Variants in POU6F2 observed in about 807,000 individuals in gnomAD.
POU6F2 encodes the protein POU class 6 homeobox 2.
Under a neutral mutation model 71.3 loss-of-function variants are expected in POU6F2, and 31 were observed. That is an observed-to-expected ratio of 0.43 (90% CI 0.33 to 0.59). The LOEUF (loss-of-function observed/expected upper bound fraction) is 0.59, where lower values mean the gene tolerates loss of function less well. Among genes scored for constraint, POU6F2 ranks in the 20% least tolerant of loss-of-function variants. POU6F2 has a pLI of 0.04. For synonymous variants in POU6F2, 347 were observed against 355.7 expected, an observed-to-expected ratio of 0.98 and a Z score of 0.27; for missense variants, 783 against 856.8, an observed-to-expected ratio of 0.91 and a Z score of 1.07.
At chr7:39,313,200 C>A (rs982953300) in intron 4 of POU6F2, among the ~76,000 whole-genome samples, 1 of 152,132 alleles carries the variant, frequency 6.6e-6, no homozygotes, top group African/African-American at 2.4e-5. Flanking sequence ...ACTCTCCAGC[C>A]TCACTTCCCT....
intron 5 of POU6F2, among the ~76,000 whole-genome samples, chr7:39,385,413 A>C (rs1053848791): frequency 1.3e-5 from 2 of 152,230 alleles, no homozygotes; most frequent in Non-Finnish European, 2.9e-5. Context: ...CCTGAGTTGC[A>C]CACGGTCCTG....
At chr7:39,341,327 A>G (rs1355901995) in intron 5 of POU6F2, among the ~76,000 whole-genome samples, 1 of 152,142 alleles carries the variant, frequency 6.6e-6, no homozygotes, top group Non-Finnish European at 1.5e-5. Flanking sequence ...GGCTACTTTC[A>G]ATTTGAACAT....
chr7:39,176,574 C>T (rs1200301855), intron 2 of POU6F2, among the ~76,000 whole-genome samples: 2 of 152,148 alleles, frequency 1.3e-5, no homozygotes, highest in Non-Finnish European at 2.9e-5. Context: ...GAGCCTTTTC[C>T]TTTCCAAAAT....
At chr7:39,328,155 G>A (rs553204546) in intron 4 of POU6F2, among the ~76,000 whole-genome samples, 45 of 152,292 alleles carry the variant, frequency 3.0e-4, no homozygotes, top group African/African-American at 9.6e-4. Flanking sequence ...TCCTGACCTC[G>A]TGATCCACCT....
At chr7:39,210,686 C>T (rs970707811) in intron 4 of POU6F2, among the ~76,000 whole-genome samples, 2 of 152,124 alleles carry the variant, frequency 1.3e-5, no homozygotes, top group African/African-American at 2.4e-5. Flanking sequence ...CCCAGACCAG[C>T]GGCATCAATG....
intron 5 of POU6F2, among the ~76,000 whole-genome samples, chr7:39,388,811 C>T (rs1379064985): frequency 6.6e-6 from 1 of 152,140 alleles, no homozygotes; most frequent in Non-Finnish European, 1.5e-5. Context: ...TATTTGAAAC[C>T]ATTTCTACTT....
intron 4 of POU6F2, among the ~76,000 whole-genome samples, chr7:39,229,651 G>A (rs1306209424): frequency 1.3e-5 from 2 of 152,216 alleles, no homozygotes; most frequent in Admixed American, 6.5e-5. Flanking sequence ...GTGAGACACT[G>A]ATGTTAAAGT....
At chr7:39,296,236 C>T (rs968300079) in intron 4 of POU6F2, among the ~76,000 whole-genome samples, 1 of 152,130 alleles carries the variant, frequency 6.6e-6, no homozygotes, top group East Asian at 1.9e-4. Flanking sequence ...TCATTAATTA[C>T]AGAAACTCTA....
intron 1 of POU6F2, among the ~76,000 whole-genome samples, chr7:39,017,989 A>G (rs1046264964): frequency 5.3e-5 from 8 of 152,012 alleles, no homozygotes; most frequent in African/African-American, 1.7e-4. Context: ...GCCTTGCTGT[A>G]TTGGCTAACA....
At chr7:39,317,564 T>G (rs1417153549) in intron 4 of POU6F2, among the ~76,000 whole-genome samples, 1 of 152,236 alleles carries the variant, frequency 6.6e-6, no homozygotes, top group African/African-American at 2.4e-5. Flanking sequence ...TTCACTTACT[T>G]GTTTTATCTT....
At chr7:39,237,774 C>T (rs1387267480) in intron 4 of POU6F2, among the ~76,000 whole-genome samples, 1 of 151,818 alleles carries the variant, frequency 6.6e-6, no homozygotes, top group African/African-American at 2.4e-5. Context: ...GGAAGAGCCT[C>T]TCAAATGAAA....
chr7:39,392,715 C>G (rs1036923626), intron 5 of POU6F2, among the ~76,000 whole-genome samples: 1 of 152,190 alleles, frequency 6.6e-6, no homozygotes, highest in African/African-American at 2.4e-5. Context: ...CGGACAGGAA[C>G]ATGGAGGCTC....
chr7:39,457,037 C>T (rs1198940068), intron 8 of POU6F2, among the ~76,000 whole-genome samples: 1 of 152,218 alleles, frequency 6.6e-6, no homozygotes, highest in Non-Finnish European at 1.5e-5. Flanking sequence ...TCCACAGCTT[C>T]CTTTTCAACT....
chr7:39,114,492 A>G (rs1791888314), intron 2 of POU6F2, among the ~76,000 whole-genome samples: 1 of 152,218 alleles, frequency 6.6e-6, no homozygotes, highest in African/African-American at 2.4e-5. Context: ...CATATTTCTT[A>G]GAAGAAAATA....
intron 3 of POU6F2, among the ~76,000 whole-genome samples, chr7:39,205,618 T>C (rs1198738927): frequency 6.6e-6 from 1 of 152,214 alleles, no homozygotes; most frequent in African/African-American, 2.4e-5. Context: ...AGGGCCAGCA[T>C]ATAATTTTGT....
At chr7:39,015,647 A>C (rs1789470009) in intron 1 of POU6F2, among the ~76,000 whole-genome samples, 1 of 90,302 alleles carries the variant, frequency 1.1e-5, no homozygotes, top group African/African-American at 4.1e-5. Flanking sequence ...TGTTATATAT[A>C]GATATATATT....
chr7:39,383,366 T>G (rs1786869541), intron 5 of POU6F2, among the ~76,000 whole-genome samples: 1 of 152,202 alleles, frequency 6.6e-6, no homozygotes, highest in African/African-American at 2.4e-5. Context: ...CTATTTTTTT[T>G]GTCTATGACA....
At chr7:38,986,378 G>A (rs1254807215) in intron 1 of POU6F2, among the ~76,000 whole-genome samples, 1 of 152,012 alleles carries the variant, frequency 6.6e-6, no homozygotes, top group Non-Finnish European at 1.5e-5. Flanking sequence ...GTACATAGTC[G>A]ATTGGAAAAC....
intron 4 of POU6F2, among the ~76,000 whole-genome samples, chr7:39,287,345 G>A (rs187876292): frequency 3.3e-5 from 5 of 152,030 alleles, no homozygotes; most frequent in African/African-American, 4.8e-5. Context: ...TCAAAGTCCC[G>A]GTTCCCTCCC....
Sources: gnomAD v4.1 joint callset for allele counts (sites outside exome capture counted in the v4.1 genomes callset) on GRCh38, gnomAD v4.1.1 for gene constraint, MANE v1.5 for transcripts, NCBI Gene and HGNC (gene_info 2026-07-23, HGNC 2026-07-21) for gene names.